CNTRL: variants seen among roughly 807,000 people sequenced by gnomAD.
CNTRL encodes 110 kDa centrosomal protein.
A neutral mutation model predicts 303.7 loss-of-function variants in CNTRL; 233 were observed. The observed-to-expected ratio is 0.77, with a 90% CI of 0.69 to 0.86. The LOEUF is 0.86. CNTRL is among the 40% of genes least tolerant of loss of function. The probability of loss-of-function intolerance (pLI) is 0.00; values close to 1 mark genes in which losing one functional copy is unlikely to be tolerated. For missense variants in CNTRL, 2,524 were observed against 2,650.6 expected (o/e 0.95, Z 1.05); for synonymous variants, 900 against 922.2 (o/e 0.98, Z 0.44).
intron 22 of CNTRL, 131 bp from the exon 23 acceptor site, chr9:121,145,977 C>T: frequency 1.3e-6 from 1 of 743,248 alleles, no homozygotes; most frequent in East Asian, 2.8e-5. Context: ...TTTTGACTTA[C>T]CAAAGGGCAG....
intron 1 of CNTRL, among the ~76,000 whole-genome samples, chr9:121,077,945 CAG>C (rs955415035): frequency 1.2e-4 from 18 of 151,918 alleles, no homozygotes; most frequent in African/African-American, 3.6e-4. Context: ...GACCTTGCCT[CAG>C]GGGGGAAAAA....
intron 43 of CNTRL, among the ~76,000 whole-genome samples, chr9:121,176,879 C>T (rs2053547601): frequency 6.6e-6 from 1 of 152,148 alleles, no homozygotes; most frequent in African/African-American, 2.4e-5. Flanking sequence ...ATCAGAACCA[C>T]TAGACAGTTA....
At position 121,164,922 on chromosome 9, in the gene CNTRL, C is replaced by T. The variant is rs1588319984; in HGVS notation, c.5424-21C>T. Reference sequence around the variant, plus strand: ...TGTGTGTGCTTGTATATTTGACAGTCTGACTTACTCTCTGTGGTAGGGTTT... The same window carrying T: ...TGTGTGTGCTTGTATATTTGACAGTTTGACTTACTCTCTGTGGTAGGGTTT... On this transcript the variant is annotated intron_variant, in intron 34 of 43. Coordinates refer to ENST00000373855, the MANE Select transcript of CNTRL (RefSeq NM_007018.6). The T allele has an allele frequency of 8.8e-6, 14 of 1,598,088 alleles. No homozygotes were observed. In the East Asian group the frequency reaches 3.2e-4, roughly 36 times the overall value.
intron 23 of CNTRL, among the ~76,000 whole-genome samples, chr9:121,146,936 T>A (rs2051899346): frequency 6.6e-6 from 1 of 152,198 alleles, no homozygotes; most frequent in Non-Finnish European, 1.5e-5. Flanking sequence ...AATAGCTTTG[T>A]GGGGCTAGAG....
chr9:121,162,276 G>T lies in CNTRL; in HGVS notation c.5423+5G>T. 1 of 1,610,030 alleles carries T rather than the reference G, an allele frequency of 6.2e-7. No individual in the cohort carries two copies. Among genetic ancestry groups the T allele is most frequent in the South Asian group, 1.1e-5 (1 of 90,900 alleles). ...AAAGTTGGCACAAACCAAAAGGTGAGAGCAAGAACAAATAAGCTTGCAGGA... is the reference window on the plus strand; with the variant it reads ...AAAGTTGGCACAAACCAAAAGGTGATAGCAAGAACAAATAAGCTTGCAGGA... On this transcript the variant is annotated splice_donor_5th_base_variant and intron_variant, in intron 34 of 43. Coordinates refer to ENST00000373855, the MANE Select transcript of CNTRL (RefSeq NM_007018.6).
intron 14 of CNTRL, among the ~76,000 whole-genome samples, chr9:121,131,423 AGTCT>A (rs2050849674): frequency 6.6e-6 from 1 of 152,094 alleles, no homozygotes; most frequent in African/African-American, 2.4e-5. Flanking sequence ...GTTGGTTTAA[AGTCT>A]GTTTTATCAG....
chr9:121,139,590 A>T (rs2051390836), intron 16 of CNTRL, among the ~76,000 whole-genome samples: 1 of 152,232 alleles, frequency 6.6e-6, no homozygotes, highest in African/African-American at 2.4e-5. Context: ...CATAAAAGAT[A>T]TACATGTTTT....
intron 25 of CNTRL, among the ~76,000 whole-genome samples, chr9:121,151,310 C>T (rs1430532700): frequency 6.7e-6 from 1 of 150,240 alleles, no homozygotes; most frequent in Non-Finnish European, 1.5e-5. Context: ...TAAATTCTTA[C>T]TGTATCTCTT....
intron 2 of CNTRL, among the ~76,000 whole-genome samples, chr9:121,084,941 A>G (rs566184116): frequency 6.6e-6 from 1 of 152,332 alleles, no homozygotes; most frequent in African/African-American, 2.4e-5. Context: ...AGGAAAAGAA[A>G]TATTTTTATA....
chr9:121,124,068 A>G lies in CNTRL; in HGVS notation c.1788A>G (p.Glu596=). The G allele has an allele frequency of 6.2e-7, 1 of 1,607,074 alleles. No homozygotes were observed. The highest frequency in any genetic ancestry group is 8.5e-7 in the Non-Finnish European group (1 of 1,177,974). ...AAACGGAAGAGATTAAGGACCTTGAAGAACAGCTTACTGAAGGTAAGACTT... is the reference window on the plus strand; with the variant it reads ...AAACGGAAGAGATTAAGGACCTTGAGGAACAGCTTACTGAAGGTAAGACTT... The part of the protein sequence containing the change: ...AKETEEIKDL[E]EQLTEGQIAA... Residue 596 remains glutamate (E), a synonymous_variant, in exon 13 of 44, where the codon GAA becomes GAG. Transcript: ENST00000373855.
intron 25 of CNTRL, among the ~76,000 whole-genome samples, chr9:121,151,672 T>G (rs1387380562): frequency 6.6e-6 from 1 of 152,222 alleles, no homozygotes; most frequent in East Asian, 1.9e-4. Flanking sequence ...ATTACAGGCA[T>G]GAGTCACTGC....
chr9:121,100,725 C>T (rs1200187326), intron 7 of CNTRL, among the ~76,000 whole-genome samples: 1 of 152,074 alleles, frequency 6.6e-6, no homozygotes. Context: ...ATCTACCAAG[C>T]AAATGGAAAG....
rs148451517 is a variant in CNTRL at position 121,095,380 on chromosome 9, C to G, written c.479+362C>G. Among the ~76,000 whole-genome samples, 202 of 152,122 alleles carry G rather than the reference C, an allele frequency of 1.3e-3. 2 individuals are homozygous for G. The highest frequency in any genetic ancestry group is 4.5e-3 in the African/African-American group (185 of 41,522). ...AATGTTTTAACCCTGCCATTTTGAC[C>G]CCCAAGATGTTCTAATCTGTTTTGA... On this transcript the variant is annotated intron_variant, in intron 5 of 43. Transcript: ENST00000373855.
intron 12 of CNTRL, chr9:121,122,458 T>C: frequency 1.1e-6 from 1 of 910,694 alleles, no homozygotes; most frequent in Non-Finnish European, 1.3e-6. Context: ...AGTAATATTC[T>C]TTTATAATCA....
At chr9:121,128,352 T>C (rs2050657670) in intron 14 of CNTRL, among the ~76,000 whole-genome samples, 1 of 152,240 alleles carries the variant, frequency 6.6e-6, no homozygotes, top group Non-Finnish European at 1.5e-5. Context: ...TGGTGTGAAA[T>C]GGTATCTCAT....
At position 121,127,401 on chromosome 9, in the gene CNTRL, C is replaced by T. The variant is rs536704669; in HGVS notation, c.2025+1465C>T. ...AAGTTCAGTAGATATTGTCAAATTA[C>T]TTTTCATAGTGAGTTTATCAGCTTC... is the stretch of plus-strand genomic sequence containing the variant. On this transcript the variant is annotated intron_variant, in intron 14 of 43. Transcript: ENST00000373855. Among the ~76,000 whole-genome samples, 9 of 152,222 alleles carry T rather than the reference C, an allele frequency of 5.9e-5. 1 individual carries two copies. In the East Asian group the frequency reaches 1.4e-3, roughly 23 times the overall value.
chr9:121,111,253 C>T (rs1218348640), intron 8 of CNTRL: 57 of 152,146 alleles, frequency 3.7e-4, no homozygotes, highest in Admixed American at 3.7e-3. Flanking sequence ...TCTGCCTCTT[C>T]CACTACCAGC....
Position 121,158,857 on chromosome 9 carries a change from G to A in CNTRL, c.4767G>A (p.Val1589=), listed in dbSNP as rs766921103. Residue 1589 remains valine (V), a splice_region_variant and synonymous_variant, in exon 31 of 44, where the codon GTG becomes GTA. Transcript: ENST00000373855. ...CTCTTCCCTTTTCTTTAATACAGGTGACAAGTCAGCAGCAGGAGATGGCTG... is the reference window on the plus strand; with the variant it reads ...CTCTTCCCTTTTCTTTAATACAGGTAACAAGTCAGCAGCAGGAGATGGCTG... The part of the protein sequence containing the change: ...RAELEKLKSQ[V]TSQQQEMAVL... The A allele has an allele frequency of 4.3e-6, 7 of 1,613,808 alleles. No individual in the cohort carries two copies. In the African/African-American group the frequency reaches 9.3e-5, roughly 22 times the overall value.
Position 121,113,733 on chromosome 9 carries a change from A to T in CNTRL, c.1345+9A>T. ...AAAAAAAATAAGTGCAGGTTAAAAA[A>T]AGTTATTTTAAATTCTTTAAAAAAA... is the stretch of plus-strand genomic sequence containing the variant. On this transcript the variant is annotated intron_variant, in intron 10 of 43. Coordinates refer to ENST00000373855, the MANE Select transcript of CNTRL (RefSeq NM_007018.6). 6.7e-7 allele frequency: 1 copy of T among 1,489,258 alleles called. No homozygotes were observed. The highest frequency in any genetic ancestry group is 8.9e-7 in the Non-Finnish European group (1 of 1,122,960). The allele number at this position is 1,489,258 out of a possible 1,614,324, so 92.3% of individuals were successfully genotyped here.
Sources: gnomAD v4.1 joint callset for allele counts (sites outside exome capture counted in the v4.1 genomes callset) on GRCh38, gnomAD v4.1.1 for gene constraint, MANE v1.5 for transcripts, NCBI Gene and HGNC (gene_info 2026-07-23, HGNC 2026-07-21) for gene names.